Variants in LIPI observed in about 807,000 individuals in gnomAD.
The protein encoded by LIPI is lipase member I.
A neutral mutation model predicts 50.6 loss-of-function variants in LIPI; 59 were observed. The observed-to-expected ratio is 1.16, with a 90% CI of 0.94 to 1.45. The LOEUF is 1.45. Among genes scored for constraint, LIPI ranks in the 40% most tolerant of loss-of-function variants. The pLI is 0.00. For synonymous variants in LIPI, 203 were observed against 178.2 expected (o/e 1.14, Z -1.11); for missense variants, 586 against 536.3 (o/e 1.09, Z -0.92).
At chr21:14,137,152 A>C (rs1268358353) in intron 9 of LIPI, among the ~76,000 whole-genome samples, 2 of 152,090 alleles carry the variant, frequency 1.3e-5, no homozygotes, top group Non-Finnish European at 2.9e-5. Flanking sequence ...TACAATAAAC[A>C]CCTAACTCTT....
chr21:14,153,892 A>C (rs1309892377), intron 7 of LIPI, among the ~76,000 whole-genome samples: 1 of 152,194 alleles, frequency 6.6e-6, no homozygotes, highest in African/African-American at 2.4e-5. Flanking sequence ...GATTAAATAA[A>C]ACTCCAGAAA....
At chr21:14,209,565 T>G (rs2020312434) in intron 1 of LIPI, among the ~76,000 whole-genome samples, 1 of 152,178 alleles carries the variant, frequency 6.6e-6, no homozygotes, top group Non-Finnish European at 1.5e-5. Flanking sequence ...TATTTTCTAT[T>G]TACTACTGTT....
chr21:14,210,886 A>G lies in LIPI; in HGVS notation c.-41T>C. ...AGCAAAAACAGCACTCAATTCACCA[A>G]AAAGGAAATTCCGTAACTCATTGAG... On this transcript the variant is annotated 5_prime_UTR_variant, in exon 1 of 10. Transcript: ENST00000681601. 2 of 1,195,094 alleles carry G rather than the reference A, an allele frequency of 1.7e-6. No homozygotes were observed. The highest frequency in any genetic ancestry group is 2.1e-6 in the Non-Finnish European group (2 of 948,206). 74.0% of individuals were successfully genotyped at this position (1,195,094 alleles called of 1,614,324 possible). A position where few individuals can be genotyped will look rare whatever the true frequency, so the allele number is the denominator to read the frequency against.
chr21:14,189,629 G>C (rs568912383), intron 1 of LIPI, among the ~76,000 whole-genome samples: 117 of 152,262 alleles, frequency 7.7e-4, no homozygotes, highest in Non-Finnish European at 1.5e-3. Context: ...AAATATAAAT[G>C]TGATTGGTTA....
At chr21:14,166,306 T>A in intron 5 of LIPI, 56 bp downstream of exon 5, 1 of 1,008,480 alleles carries the variant, frequency 9.9e-7, no homozygotes, top group Non-Finnish European at 1.6e-6. Context: ...AAGTAAGTTA[T>A]TTTCTTTCAT....
intron 1 of LIPI, among the ~76,000 whole-genome samples, chr21:14,197,140 CA>C (rs911270573): frequency 6.7e-6 from 1 of 149,904 alleles, no homozygotes; most frequent in Non-Finnish European, 1.5e-5. Flanking sequence ...AGCATAAGAA[CA>C]AAAAAATAAT....
chr21:14,209,486 A>C (rs392947), intron 1 of LIPI, among the ~76,000 whole-genome samples: 29,765 of 152,134 alleles, frequency 0.2, 3,145 homozygotes, highest in Non-Finnish European at 0.23. Context: ...TTCAAGGAAA[A>C]TGAGAGAATG....
chr21:14,170,367 G>A (rs373896670), intron 4 of LIPI, among the ~76,000 whole-genome samples: 3 of 152,192 alleles, frequency 2.0e-5, no homozygotes, highest in East Asian at 3.9e-4. Context: ...CATTTTATGA[G>A]GCCAGCATCA....
chr21:14,191,371 C>A (rs1252361866), intron 1 of LIPI, among the ~76,000 whole-genome samples: 1 of 117,348 alleles, frequency 8.5e-6, no homozygotes, highest in African/African-American at 3.2e-5. Flanking sequence ...AGCAAGACTC[C>A]GTCTCAAAAA....
intron 1 of LIPI, among the ~76,000 whole-genome samples, chr21:14,201,698 A>T (rs1600936937): frequency 1.3e-5 from 2 of 152,144 alleles, no homozygotes; most frequent in East Asian, 3.9e-4. Flanking sequence ...AAATAATAAG[A>T]GCTATCTATG....
At chr21:14,151,137 A>G (rs2123090140) in intron 8 of LIPI, among the ~76,000 whole-genome samples, 1 of 152,254 alleles carries the variant, frequency 6.6e-6, no homozygotes, top group Non-Finnish European at 1.5e-5. Context: ...CGTTATGGTG[A>G]ACTTATCATT....
chr21:14,185,674 T>A (rs2019426799), intron 3 of LIPI, among the ~76,000 whole-genome samples: 1 of 152,074 alleles, frequency 6.6e-6, no homozygotes, highest in Non-Finnish European at 1.5e-5. Context: ...GGTCAGGAGT[T>A]AGAGACCAGT....
intron 1 of LIPI, among the ~76,000 whole-genome samples, chr21:14,197,861 C>T (rs1269208977): frequency 6.6e-6 from 1 of 151,854 alleles, no homozygotes; most frequent in Non-Finnish European, 1.5e-5. Flanking sequence ...ATGTTAAAGG[C>T]AGCCAGAGAG....
At chr21:14,149,657 C>T (rs1330873607) in intron 8 of LIPI, among the ~76,000 whole-genome samples, 1 of 152,206 alleles carries the variant, frequency 6.6e-6, no homozygotes, top group Non-Finnish European at 1.5e-5. Context: ...GGTAAATACA[C>T]CCATTCCAAA....
chr21:14,192,086 T>C (rs186013988), intron 1 of LIPI, among the ~76,000 whole-genome samples: 43 of 152,366 alleles, frequency 2.8e-4, no homozygotes, highest in African/African-American at 9.9e-4. Context: ...ATTTTATTTT[T>C]ATTTTATTTT....
chr21:14,169,305 G>A (rs1368798471), intron 4 of LIPI, among the ~76,000 whole-genome samples: 2 of 151,952 alleles, frequency 1.3e-5, no homozygotes, highest in Non-Finnish European at 2.9e-5. Context: ...ACAGATCAAC[G>A]AGACAGAAAG....
chr21:14,174,666 G>A (rs1203968422), intron 4 of LIPI, among the ~76,000 whole-genome samples: 2 of 152,042 alleles, frequency 1.3e-5, no homozygotes, highest in East Asian at 3.9e-4. Flanking sequence ...CAATTCTCCT[G>A]CCTCAGCCTC....
chr21:14,172,089 C>A (rs531818393), intron 4 of LIPI, among the ~76,000 whole-genome samples: 1 of 152,098 alleles, frequency 6.6e-6, no homozygotes, highest in East Asian at 1.9e-4. Flanking sequence ...AAGAAGACAC[C>A]TATGCAGCCA....
chr21:14,197,761 T>C (rs902909692), intron 1 of LIPI, among the ~76,000 whole-genome samples: 2 of 151,404 alleles, frequency 1.3e-5, no homozygotes, highest in African/African-American at 4.9e-5. Context: ...ATTCAGGAAA[T>C]GCAAAGAACC....
Sources: gnomAD v4.1 joint callset for allele counts (sites outside exome capture counted in the v4.1 genomes callset) on GRCh38, gnomAD v4.1.1 for gene constraint, MANE v1.5 for transcripts, NCBI Gene and HGNC (gene_info 2026-07-23, HGNC 2026-07-21) for gene names.